The following ZNF721 variants were observed in gnomAD, a reference collection of about 807,000 sequenced individuals.
ZNF721 encodes the protein zinc finger protein 721.
A neutral mutation model predicts 2.4 loss-of-function variants in ZNF721; 2 were observed. The ratio of observed to expected loss-of-function variants is 0.82; its 90% CI spans 0.34 to 2.58. The LOEUF is 2.58. ZNF721 is among the 30% of genes most tolerant of loss of function. The probability of loss-of-function intolerance (pLI) is 0.11; values close to 1 mark genes in which losing one functional copy is unlikely to be tolerated. For synonymous variants in ZNF721, 398 were observed against 381.8 expected (o/e 1.04, Z -0.50); for missense variants, 1,187 against 1,085.5 (o/e 1.09, Z -1.31).
intron 1 of ZNF721, among the ~76,000 whole-genome samples, chr4:490,569 A>G (rs1715996094): frequency 6.6e-6 from 1 of 152,238 alleles, no homozygotes; most frequent in African/African-American, 2.4e-5. Context: ...AAAAAATGGA[A>G]AATTCACAAA....
intron 2 of ZNF721, among the ~76,000 whole-genome samples, chr4:454,231 G>A (rs1553865177): frequency 1.3e-5 from 2 of 152,340 alleles, no homozygotes; most frequent in South Asian, 2.1e-4. Context: ...ATACACTTGG[G>A]GGTGGCCATT....
At chr4:463,623 G>C (rs1488729274) in intron 2 of ZNF721, among the ~76,000 whole-genome samples, 1 of 152,130 alleles carries the variant, frequency 6.6e-6, no homozygotes, top group Non-Finnish European at 1.5e-5. Context: ...GGATGAAGCT[G>C]GAAACCATCA....
chr4:498,215 G>GA (rs797042296), intron 1 of ZNF721, among the ~76,000 whole-genome samples: 1,322 of 83,928 alleles, frequency 0.016, 9 homozygotes, highest in Non-Finnish European at 0.02. Context: ...AAAAGAAAAA[G>GA]AAAAAAAAAA....
At chr4:497,367 T>C (rs1716199315) in intron 1 of ZNF721, among the ~76,000 whole-genome samples, 1 of 152,072 alleles carries the variant, frequency 6.6e-6, no homozygotes, top group East Asian at 1.9e-4. Context: ...CGAGGATCAA[T>C]AGGCGAACTG....
intron 1 of ZNF721, among the ~76,000 whole-genome samples, chr4:478,371 G>A (rs2108716709): frequency 6.6e-6 from 1 of 151,838 alleles, no homozygotes; most frequent in East Asian, 1.9e-4. Context: ...CTCTTTACAT[G>A]TTGTAAAGAT....
At chr4:480,077 T>G (rs1553869151) in intron 1 of ZNF721, among the ~76,000 whole-genome samples, 1 of 152,234 alleles carries the variant, frequency 6.6e-6, no homozygotes, top group Non-Finnish European at 1.5e-5. Context: ...AATTTGGAAC[T>G]CTACAGAAAC....
intron 2 of ZNF721, chr4:453,307 T>G (rs190912206): frequency 1.3e-5 from 2 of 152,382 alleles, no homozygotes; most frequent in Admixed American, 6.5e-5. Context: ...TACTACCTGG[T>G]TGCCCCAATG....
At chr4:450,673 C>G (rs1714618303) in intron 2 of ZNF721, among the ~76,000 whole-genome samples, 1 of 151,232 alleles carries the variant, frequency 6.6e-6, no homozygotes, top group Admixed American at 6.6e-5. Flanking sequence ...GCGGTTGGCT[C>G]ATGCCTGTAA....
At chr4:484,671 T>A (rs1715849150) in intron 1 of ZNF721, among the ~76,000 whole-genome samples, 2 of 152,318 alleles carry the variant, frequency 1.3e-5, no homozygotes, top group African/African-American at 4.8e-5. Context: ...AAGAGGAAAT[T>A]CCCACCTAAT....
At chr4:451,550 T>C (rs1714661724) in intron 2 of ZNF721, among the ~76,000 whole-genome samples, 1 of 152,220 alleles carries the variant, frequency 6.6e-6, no homozygotes, top group Non-Finnish European at 1.5e-5. Flanking sequence ...AGTCTGGTGG[T>C]GAATTCTCCA....
intron 2 of ZNF721, among the ~76,000 whole-genome samples, chr4:465,668 ATGATCGGCCTCG>A (rs1553866685): frequency 3.3e-5 from 5 of 152,046 alleles, no homozygotes; most frequent in East Asian, 3.9e-4. Flanking sequence ...TCCTGACCTC[ATGATCGGCCTCG>A]TGATCGGCCT....
Position 442,877 on chromosome 4 carries a change from T to C in ZNF721, c.1590A>G (p.Thr530=), listed in dbSNP as rs782317352. 2 of 1,614,020 alleles carry C rather than the reference T, an allele frequency of 1.2e-6. No homozygotes were observed. Among genetic ancestry groups the C allele is most frequent in the Admixed American group, 1.7e-5 (1 of 60,020 alleles). The change falls in exon 3 of 3, where the codon ACA becomes ACG. Residue 530 remains threonine (T), a synonymous_variant. Coordinates refer to ENST00000511833, the MANE Select transcript of ZNF721 (RefSeq NM_133474.4). Reference sequence around the variant, plus strand: ...TAAAGGCTTTGCCACATACTTCACATGTGTAGGGTTTCTCTCCAGTATGAA... The same window carrying C: ...TAAAGGCTTTGCCACATACTTCACACGTGTAGGGTTTCTCTCCAGTATGAA... The part of the protein sequence containing the change: ...RRIHTGEKPY[T]CEVCGKAFRQ...
intron 2 of ZNF721, among the ~76,000 whole-genome samples, chr4:466,525 T>C (rs1473225607): frequency 1.3e-5 from 2 of 152,234 alleles, no homozygotes; most frequent in Non-Finnish European, 2.9e-5. Flanking sequence ...AGCTTGTTGA[T>C]AGTGTAGTTT....
At chr4:445,698 AAAT>A (rs1300871388) in intron 2 of ZNF721, among the ~76,000 whole-genome samples, 1 of 152,202 alleles carries the variant, frequency 6.6e-6, no homozygotes, top group African/African-American at 2.4e-5. Context: ...GAAAAATATA[AAAT>A]AATGACTCAG....
Position 492,782 on chromosome 4 carries a change from C to T in ZNF721, c.-94+6274G>A, listed in dbSNP as rs147194635. Among the ~76,000 whole-genome samples the T allele has an allele frequency of 1.0e-2, 1,330 of 133,328 alleles. 7 individuals are homozygous for T. Among genetic ancestry groups the T allele is most frequent in the Non-Finnish European group, 0.015 (921 of 62,806 alleles). The allele number at this position is 133,328 out of a possible 152,430, so 87.5% of individuals were successfully genotyped here. A position where few individuals can be genotyped will look rare whatever the true frequency, so the allele number is the denominator to read the frequency against. On this transcript the variant is annotated intron_variant, in intron 1 of 2. Coordinates refer to ENST00000511833, the MANE Select transcript of ZNF721 (RefSeq NM_133474.4). Reference sequence around the variant, plus strand: ...TCATATAAAATTATTTTTCTTTAAGCCTTCTTACCAAAAAAAAAAAACAAA... The same window carrying T: ...TCATATAAAATTATTTTTCTTTAAGTCTTCTTACCAAAAAAAAAAAACAAA...
intron 2 of ZNF721, among the ~76,000 whole-genome samples, chr4:451,800 G>A (rs371760119): frequency 3.3e-5 from 5 of 152,202 alleles, no homozygotes; most frequent in East Asian, 1.9e-4. Context: ...TTTCAGCCAC[G>A]AGGACTGGGC....
At chr4:470,398 G>C (rs1488140907) in intron 2 of ZNF721, among the ~76,000 whole-genome samples, 1 of 152,150 alleles carries the variant, frequency 6.6e-6, no homozygotes, top group Non-Finnish European at 1.5e-5. Flanking sequence ...TCACAGCAAA[G>C]AGAAACAAAA....
intron 1 of ZNF721, among the ~76,000 whole-genome samples, chr4:496,434 T>G (rs1182524590): frequency 6.6e-6 from 1 of 152,052 alleles, no homozygotes; most frequent in Non-Finnish European, 1.5e-5. Flanking sequence ...GGGGGAAACC[T>G]ATTTAGACCC....
At chr4:455,334 G>A (rs1332112975) in intron 2 of ZNF721, among the ~76,000 whole-genome samples, 3 of 152,144 alleles carry the variant, frequency 2.0e-5, no homozygotes, top group Admixed American at 6.6e-5. Flanking sequence ...TTGGGAGGCC[G>A]AGGCGGGCGG....
Sources: gnomAD v4.1 joint callset for allele counts (sites outside exome capture counted in the v4.1 genomes callset) on GRCh38, gnomAD v4.1.1 for gene constraint, MANE v1.5 for transcripts, NCBI Gene and HGNC (gene_info 2026-07-23, HGNC 2026-07-21) for gene names.